Variants in VKORC1L1 observed in about 807,000 individuals in gnomAD.
VKORC1L1 encodes the protein vitamin K epoxide reductase complex subunit 1-like protein 1.
A neutral mutation model predicts 18.9 loss-of-function variants in VKORC1L1; 2 were observed. That is an observed-to-expected ratio of 0.11 (90% CI 0.04 to 0.33). VKORC1L1 has a LOEUF of 0.33. VKORC1L1 is among the 10% of genes least tolerant of loss of function. The probability of loss-of-function intolerance (pLI) is 1.00; values close to 1 mark genes in which losing one functional copy is unlikely to be tolerated. For missense variants in VKORC1L1, 123 were observed against 224.1 expected, an observed-to-expected ratio of 0.55 and a Z score of 2.88; for synonymous variants, 96 against 100.0, an observed-to-expected ratio of 0.96 and a Z score of 0.24.
At chr7:65,942,647 T>C (rs986317464) in intron 1 of VKORC1L1, among the ~76,000 whole-genome samples, 1 of 151,986 alleles carries the variant, frequency 6.6e-6, no homozygotes, top group African/African-American at 2.4e-5. Context: ...TGCCTCAGTC[T>C]CCCAAGTAGC....
intron 1 of VKORC1L1, among the ~76,000 whole-genome samples, chr7:65,882,564 C>G (rs1326133591): frequency 6.6e-6 from 1 of 151,988 alleles, no homozygotes; most frequent in African/African-American, 2.4e-5. Flanking sequence ...TTTTAAAATG[C>G]CATTTTATTT....
intron 1 of VKORC1L1, among the ~76,000 whole-genome samples, chr7:65,891,360 G>GT (rs1424866447): frequency 6.6e-6 from 1 of 152,080 alleles, no homozygotes; most frequent in Non-Finnish European, 1.5e-5. Flanking sequence ...CAACAGAACA[G>GT]TTTCCCAAAG....
At chr7:65,923,844 A>G (rs1006881125) in intron 1 of VKORC1L1, among the ~76,000 whole-genome samples, 4 of 152,252 alleles carry the variant, frequency 2.6e-5, no homozygotes, top group Non-Finnish European at 4.4e-5. Context: ...TGGACAGGAA[A>G]GGAATGAGAC....
At chr7:65,951,262 T>C (rs975914205) in intron 2 of VKORC1L1, among the ~76,000 whole-genome samples, 2 of 152,154 alleles carry the variant, frequency 1.3e-5, no homozygotes, top group Non-Finnish European at 2.9e-5. Flanking sequence ...TCATAGGTAA[T>C]CCATTCACGT....
rs868192613 is a variant in VKORC1L1 at position 65,887,485 on chromosome 7, A to T, written c.194+13920A>T. Reference sequence around the variant, plus strand: ...TGAAATCAAGGTTTGGTGCTTTTAGATCCTAATTGTGCTATGGCCTCCCTC... The same window carrying T: ...TGAAATCAAGGTTTGGTGCTTTTAGTTCCTAATTGTGCTATGGCCTCCCTC... On this transcript the variant is annotated intron_variant, in intron 1 of 2. Transcript: ENST00000360768. 4.0e-5 allele frequency among the ~76,000 whole-genome samples: 6 copies of T among 151,862 alleles called. No individual in the cohort carries two copies. The Middle Eastern group carries it at 0.014, about 344-fold the overall frequency.
chr7:65,948,213 TG>T (rs1790154071), intron 1 of VKORC1L1, among the ~76,000 whole-genome samples: 2 of 152,044 alleles, frequency 1.3e-5, no homozygotes, highest in Admixed American at 1.3e-4. Context: ...AGCATCTAGT[TG>T]GGGGAGCTCT....
chr7:65,933,248 A>C (rs148647312), intron 1 of VKORC1L1, among the ~76,000 whole-genome samples: 1 of 151,980 alleles, frequency 6.6e-6, no homozygotes, highest in East Asian at 1.9e-4. Flanking sequence ...TTTAAGTATA[A>C]TTGTGGATTT....
rs373487950 is a variant in VKORC1L1, at chr7:65,925,259, A to G, written c.195-23412A>G. The stretch of plus-strand genomic sequence containing the variant: ...TCTTTGTCCCTTGAATGGCCTCACT[A>G]TCTATTCAGTCATCCTGGAAACCCG... On this transcript the variant is annotated intron_variant, in intron 1 of 2. Transcript: ENST00000360768. 2.4e-3 allele frequency among the ~76,000 whole-genome samples: 360 copies of G among 152,212 alleles called. 22 individuals carry two copies. In the South Asian group the frequency reaches 0.072, roughly 31 times the overall value.
chr7:65,951,346 T>C (rs1163386736), intron 2 of VKORC1L1, among the ~76,000 whole-genome samples: 1 of 152,064 alleles, frequency 6.6e-6, no homozygotes. Context: ...GAGGCCAAGA[T>C]GGGTGGATCA....
chr7:65,898,802 C>T (rs1265277126), intron 1 of VKORC1L1, among the ~76,000 whole-genome samples: 5 of 152,104 alleles, frequency 3.3e-5, no homozygotes, highest in Non-Finnish European at 5.9e-5. Flanking sequence ...AAAACTTTTT[C>T]CTAGCCATTA....
chr7:65,865,963 T>C, the VKORC1L1 span, among the ~76,000 whole-genome samples: 1 of 151,624 alleles, frequency 6.6e-6, no homozygotes, highest in Non-Finnish European at 1.5e-5. Context: ...CTACTAAAAG[T>C]ACAAAAATTA....
chr7:65,932,433 G>A (rs1562651685), intron 1 of VKORC1L1, among the ~76,000 whole-genome samples: 1 of 152,090 alleles, frequency 6.6e-6, no homozygotes, highest in Non-Finnish European at 1.5e-5. Flanking sequence ...GTAGCTTGGA[G>A]TAATAATTTT....
chr7:65,927,454 C>T lies in VKORC1L1; in HGVS notation c.195-21217C>T, dbSNP rs184370729. On this transcript the variant is annotated intron_variant, in intron 1 of 2. Coordinates refer to ENST00000360768, the MANE Select transcript of VKORC1L1 (RefSeq NM_173517.6). ...TAATTCATCCATGTCAACCAATAAC[C>T]TCTTGTACCTGTGAGAAACAAACTC... is the stretch of plus-strand genomic sequence containing the variant. Among the ~76,000 whole-genome samples the T allele has an allele frequency of 2.6e-3, 389 of 152,246 alleles. 3 individuals are homozygous for T. The highest frequency in any genetic ancestry group is 6.7e-3 in the African/African-American group (279 of 41,534).
At chr7:65,931,132 T>C (rs1789849952) in intron 1 of VKORC1L1, among the ~76,000 whole-genome samples, 1 of 152,192 alleles carries the variant, frequency 6.6e-6, no homozygotes, top group East Asian at 1.9e-4. Flanking sequence ...TACCATATTT[T>C]GTTGAGGGGT....
intron 1 of VKORC1L1, among the ~76,000 whole-genome samples, chr7:65,911,174 G>T (rs892600833): frequency 6.6e-6 from 1 of 152,074 alleles, no homozygotes; most frequent in African/African-American, 2.4e-5. Context: ...ATATTCAGAG[G>T]CATGTCTTTT....
At chr7:65,934,250 A>T (rs1789904742) in intron 1 of VKORC1L1, among the ~76,000 whole-genome samples, 1 of 152,132 alleles carries the variant, frequency 6.6e-6, no homozygotes, top group Non-Finnish European at 1.5e-5. Flanking sequence ...AAATCATTTT[A>T]TTGTAAATTG....
chr7:65,935,777 GTTAA>G (rs1205187391), intron 1 of VKORC1L1, among the ~76,000 whole-genome samples: 1 of 152,140 alleles, frequency 6.6e-6, no homozygotes. Context: ...CAACTCTCAT[GTTAA>G]CTGAGTTTTT....
At position 65,873,237 on chromosome 7, in the gene VKORC1L1, CGCG is replaced by C. The variant is rs950125917; in HGVS notation, c.-118_-116del. 954 of 956,332 alleles carry C rather than the reference CGCG, an allele frequency of 1.0e-3. No individual in the cohort carries two copies. Among genetic ancestry groups the C allele is most frequent in the Admixed American group, 1.2e-3 (19 of 15,884 alleles). 59.2% of individuals were successfully genotyped at this position (956,332 alleles called of 1,614,324 possible). ...GGAGCAGGCCACCGAGCCAATGGGG[CGCG>C]GCGGCGGCGGCGGCGGTGGTGGCGG... On this transcript the variant is annotated 5_prime_UTR_variant, in exon 1 of 3. Coordinates refer to ENST00000360768, the MANE Select transcript of VKORC1L1 (RefSeq NM_173517.6).
intron 1 of VKORC1L1, among the ~76,000 whole-genome samples, chr7:65,926,484 T>C (rs185759940): frequency 1.3e-5 from 2 of 152,286 alleles, no homozygotes; most frequent in Admixed American, 1.3e-4. Flanking sequence ...AGGGAACACT[T>C]ACATACTGCT....
Sources: gnomAD v4.1 joint callset for allele counts (sites outside exome capture counted in the v4.1 genomes callset) on GRCh38, gnomAD v4.1.1 for gene constraint, MANE v1.5 for transcripts, NCBI Gene and HGNC (gene_info 2026-07-23, HGNC 2026-07-21) for gene names.